Variants in CA10 observed in about 807,000 individuals in gnomAD.
CA10 encodes carbonic anhydrase-related protein 10.
In CA10, 14 loss-of-function variants were observed where a neutral mutation model predicts 44.2. That is an observed-to-expected ratio of 0.32 (90% CI 0.21 to 0.50). The LOEUF (loss-of-function observed/expected upper bound fraction) is 0.50, where lower values mean the gene tolerates loss of function less well. Ranked by LOEUF, CA10 falls within the 20% of genes least tolerant of loss-of-function variation. The pLI, the probability that CA10 is intolerant of heterozygous loss-of-function variation, is 0.99. For synonymous variants in CA10, 159 were observed against 141.6 expected, an observed-to-expected ratio of 1.12 and a Z score of -0.87; for missense variants, 350 against 409.7, an observed-to-expected ratio of 0.85 and a Z score of 1.26.
At chr17:51,899,542 T>C (rs1598107195) in intron 3 of CA10, among the ~76,000 whole-genome samples, 1 of 152,232 alleles carries the variant, frequency 6.6e-6, no homozygotes, top group East Asian at 1.9e-4. Context: ...GGGTGGAGTG[T>C]TCTGTAGGTC....
intron 4 of CA10, among the ~76,000 whole-genome samples, chr17:51,693,906 T>G (rs1027082468): frequency 6.6e-6 from 1 of 152,108 alleles, no homozygotes; most frequent in African/African-American, 2.4e-5. Context: ...TCTAAGTTCT[T>G]TAAGAAATTC....
chr17:52,058,542 G>A (rs1431474235), intron 2 of CA10, among the ~76,000 whole-genome samples: 1 of 152,162 alleles, frequency 6.6e-6, no homozygotes, highest in Non-Finnish European at 1.5e-5. Context: ...CAGCTCTGAA[G>A]TGTGGTAATA....
chr17:51,824,970 A>T (rs1027766885), intron 3 of CA10, among the ~76,000 whole-genome samples: 1 of 152,220 alleles, frequency 6.6e-6, no homozygotes, highest in African/African-American at 2.4e-5. Context: ...ACCACTGTCT[A>T]TACTGCCTGC....
At chr17:52,004,536 G>A (rs1985534423) in intron 2 of CA10, among the ~76,000 whole-genome samples, 1 of 151,934 alleles carries the variant, frequency 6.6e-6, no homozygotes. Context: ...GTTCACAGTA[G>A]AGATTTTTAG....
chr17:51,698,275 C>T (rs1453917489), intron 4 of CA10, among the ~76,000 whole-genome samples: 2 of 152,182 alleles, frequency 1.3e-5, no homozygotes, highest in African/African-American at 4.8e-5. Flanking sequence ...CTCATCTGGA[C>T]CCTGAAGTGA....
intron 2 of CA10, among the ~76,000 whole-genome samples, chr17:52,065,308 C>T (rs1987503725): frequency 6.6e-6 from 1 of 152,184 alleles, no homozygotes; most frequent in Non-Finnish European, 1.5e-5. Flanking sequence ...ACAGATTGTA[C>T]TGATGTGTTT....
At chr17:52,146,121 A>G (rs1663860483) in intron 1 of CA10, among the ~76,000 whole-genome samples, 1 of 152,250 alleles carries the variant, frequency 6.6e-6, no homozygotes, top group Non-Finnish European at 1.5e-5. Flanking sequence ...TCCTGGCTAC[A>G]AGGCTAGCCT....
intron 2 of CA10, among the ~76,000 whole-genome samples, chr17:51,935,815 T>A (rs1308147945): frequency 6.6e-6 from 1 of 152,154 alleles, no homozygotes; most frequent in African/African-American, 2.4e-5. Flanking sequence ...ATAACACACC[T>A]TGGCAACGTC....
At chr17:52,011,765 C>T (rs1280388339) in intron 2 of CA10, among the ~76,000 whole-genome samples, 1 of 151,926 alleles carries the variant, frequency 6.6e-6, no homozygotes, top group African/African-American at 2.4e-5. Context: ...GGTCTATGAA[C>T]TGGTGGGGAA....
chr17:51,811,422 A>C (rs903986484), intron 3 of CA10, among the ~76,000 whole-genome samples: 60 of 152,096 alleles, frequency 3.9e-4, no homozygotes, highest in African/African-American at 1.3e-3. Context: ...TATTTCTCCT[A>C]ATGCTATCCC....
At chr17:52,101,272 T>G (rs1345149880) in intron 1 of CA10, among the ~76,000 whole-genome samples, 1 of 152,226 alleles carries the variant, frequency 6.6e-6, no homozygotes, top group Admixed American at 6.5e-5. Context: ...CTTTTATTCA[T>G]GAGCATGTAC....
chr17:51,713,377 A>G (rs1422120818), intron 4 of CA10, among the ~76,000 whole-genome samples: 1 of 152,228 alleles, frequency 6.6e-6, no homozygotes, highest in Non-Finnish European at 1.5e-5. Flanking sequence ...TTACAATTCC[A>G]AATATGCATT....
At chr17:51,851,735 T>C (rs1978804604) in intron 3 of CA10, among the ~76,000 whole-genome samples, 1 of 152,182 alleles carries the variant, frequency 6.6e-6, no homozygotes, top group South Asian at 2.1e-4. Context: ...AAATATTTGT[T>C]GAACTAATCT....
At chr17:51,881,404 A>G (rs563150568) in intron 3 of CA10, among the ~76,000 whole-genome samples, 1 of 152,268 alleles carries the variant, frequency 6.6e-6, no homozygotes, top group South Asian at 2.1e-4. Flanking sequence ...GACGAAACCC[A>G]GGATTCACAA....
chr17:51,633,223 C>G (rs150692056), intron 8 of CA10, among the ~76,000 whole-genome samples: 18 of 152,266 alleles, frequency 1.2e-4, no homozygotes, highest in African/African-American at 4.3e-4. Flanking sequence ...TGCCATCTAC[C>G]TACCGTCCAT....
rs538631451 is a variant in CA10, at chr17:51,931,474, G to T, written c.137-342C>A. Among the ~76,000 whole-genome samples, 57 of 152,222 alleles carry T rather than the reference G, an allele frequency of 3.7e-4. No individual in the cohort carries two copies. In the East Asian group the frequency reaches 9.7e-3, roughly 26 times the overall value. On this transcript the variant is annotated intron_variant, in intron 2 of 8. Transcript: ENST00000451037. The stretch of plus-strand genomic sequence containing the variant: ...ATGCCTGGGGTAGCACAAATATTTA[G>T]CAATTCCCTGGAGTTGATGCTGTGC...
intron 3 of CA10, among the ~76,000 whole-genome samples, chr17:51,844,687 C>T (rs1978412357): frequency 6.6e-6 from 1 of 152,150 alleles, no homozygotes; most frequent in African/African-American, 2.4e-5. Flanking sequence ...AAGTGTAACA[C>T]TGTGCTTGAG....
intron 5 of CA10, among the ~76,000 whole-genome samples, chr17:51,649,929 T>C (rs914042351): frequency 6.7e-5 from 10 of 149,748 alleles, no homozygotes; most frequent in Non-Finnish European, 1.2e-4. Context: ...ATGAATTGAG[T>C]ATATCATAAG....
At chr17:51,719,643 T>C (rs1481285277) in intron 4 of CA10, among the ~76,000 whole-genome samples, 2 of 152,048 alleles carry the variant, frequency 1.3e-5, no homozygotes, top group Non-Finnish European at 2.9e-5. Flanking sequence ...TCCCAGCACT[T>C]TGAGAGGCTG....
Sources: gnomAD v4.1 joint callset for allele counts (sites outside exome capture counted in the v4.1 genomes callset) on GRCh38, gnomAD v4.1.1 for gene constraint, MANE v1.5 for transcripts, NCBI Gene and HGNC (gene_info 2026-07-23, HGNC 2026-07-21) for gene names.